Variants in SLC6A9 observed in about 807,000 individuals in gnomAD.
The protein encoded by SLC6A9 is sodium- and chloride-dependent glycine transporter 1.
In SLC6A9, 31 loss-of-function variants were observed where a neutral mutation model predicts 70.9. The observed-to-expected ratio is 0.44, with a 90% CI of 0.33 to 0.59. The LOEUF is 0.59. Ranked by LOEUF, SLC6A9 falls within the 20% of genes least tolerant of loss-of-function variation. The pLI is 0.04. For missense variants in SLC6A9, 631 were observed against 845.2 expected (o/e 0.75, Z 3.14); for synonymous variants, 310 against 341.3 (o/e 0.91, Z 1.01).
chr1:44,003,031 A>G (rs990126090), intron 5 of SLC6A9, 46 bp from the exon 6 acceptor site: 2 of 1,610,800 alleles, frequency 1.2e-6, no homozygotes, highest in Non-Finnish European at 1.7e-6. Flanking sequence ...GCCGCTGCCC[A>G]GCAACAAATT....
At chr1:44,008,168 T>A (rs1243935933) in intron 5 of SLC6A9, among the ~76,000 whole-genome samples, 185 bp downstream of exon 5, 2 of 152,174 alleles carry the variant, frequency 1.3e-5, no homozygotes, top group African/African-American at 4.8e-5. Flanking sequence ...GTGCCCGGCC[T>A]CCATCTTCCA....
In SLC6A9 at chr1:44,013,770, C is replaced by CA. The variant is rs564960420; in HGVS notation, c.31-2889dup. ...CAAGCAAACTGGAGGAAAGACTCTC[C>CA]AAAAAAAAATCCAGGCACTTTCTGG... On this transcript the variant is annotated intron_variant, in intron 2 of 13. Transcript: ENST00000372310. This position sits in a 1 kb window ranked among gnomAD's most constrained non-coding sequence, Gnocchi z 5.3. 7.9e-5 allele frequency among the ~76,000 whole-genome samples: 12 copies of CA among 151,324 alleles called. No individual in the cohort carries two copies. The highest frequency in any genetic ancestry group is 1.9e-4 in the East Asian group (1 of 5,154).
intron 5 of SLC6A9, among the ~76,000 whole-genome samples, chr1:44,007,894 T>C (rs2086377422): frequency 2.5e-4 from 1 of 3,988 alleles, no homozygotes; most frequent in African/African-American, 3.6e-3. Flanking sequence ...CTTTCTTTCT[T>C]TTTTTTTTTT....
chr1:44,025,059 C>T (rs1172756108), intron 1 of SLC6A9, among the ~76,000 whole-genome samples: 2 of 152,206 alleles, frequency 1.3e-5, no homozygotes, highest in African/African-American at 4.8e-5. Flanking sequence ...TACGAGTACT[C>T]TTATTTCATA....
At chr1:44,017,260 T>C in intron 2 of SLC6A9, 2 of 1,502,988 alleles carry the variant, frequency 1.3e-6, no homozygotes, top group South Asian at 2.5e-5. Context: ...CCCCTGGCCC[T>C]GCCCCTCCGG....
chr1:43,997,525 C>A lies in SLC6A9; in HGVS notation c.*20G>T, dbSNP rs1369530043. ...TGGGAGCACGGGGTGGGGGTGGGGC[C>A]ACTCCCCTGGCAGCTGTGCTCATAT... is the stretch of plus-strand genomic sequence containing the variant. On this transcript the variant is annotated 3_prime_UTR_variant, in exon 14 of 14. Coordinates refer to ENST00000372310, the MANE Select transcript of SLC6A9 (RefSeq NM_001024845.3). The surrounding 1 kb of genome is among the most constrained non-coding windows in gnomAD (Gnocchi z 4.4). The A allele has an allele frequency of 4.4e-6, 7 of 1,607,710 alleles. No homozygotes were observed. Among genetic ancestry groups the A allele is most frequent in the Non-Finnish European group, 5.1e-6 (6 of 1,175,882 alleles).
At chr1:44,030,190 A>G (rs951108703) in intron 1 of SLC6A9, among the ~76,000 whole-genome samples, 3 of 152,076 alleles carry the variant, frequency 2.0e-5, no homozygotes, top group African/African-American at 7.2e-5. Flanking sequence ...CACCGCCCGC[A>G]GCGTCCCGGT....
intron 1 of SLC6A9, among the ~76,000 whole-genome samples, chr1:44,028,753 C>CAAAAGA (rs1313830811): frequency 3.5e-5 from 5 of 142,164 alleles, no homozygotes; most frequent in Admixed American, 1.4e-4. Flanking sequence ...AAAACTCCGT[C>CAAAAGA]AAAAGAAAAA....
chr1:44,027,520 C>A (rs946815577), intron 1 of SLC6A9, among the ~76,000 whole-genome samples: 1 of 152,144 alleles, frequency 6.6e-6, no homozygotes, highest in Non-Finnish European at 1.5e-5. Flanking sequence ...GCTTAGCAGG[C>A]GTTTAAGGCT....
In SLC6A9 at chr1:44,010,022, C is replaced by A. The variant is rs200256204; in HGVS notation, c.262G>T (p.Gly88Cys). Residue 88 changes from glycine to cysteine, a missense_variant, in exon 4 of 14, where the codon GGC becomes TGC. Coordinates refer to ENST00000372310, the MANE Select transcript of SLC6A9 (RefSeq NM_001024845.3). ...AGGCACCCCTGGCTTGCAAACTGGC[C>A]GAAGGAGAGCTCCATGAAGAAGAGG... ...IPLFFMELSF[G>C]QFASQGCLGV... 7 of 1,613,964 alleles carry A rather than the reference C, an allele frequency of 4.3e-6. No individual in the cohort carries two copies. Among genetic ancestry groups the A allele is most frequent in the Non-Finnish European group, 5.1e-6 (6 of 1,179,994 alleles).
At position 44,021,596 on chromosome 1, in the gene SLC6A9, C is replaced by T. The variant is rs74818264; in HGVS notation, c.30+2652G>A. ...GGGGCCAGTGCCTGCTCCATGCATG[C>T]CAGGGCACAAATAGAGCAGCAGAAG... On this transcript the variant is annotated intron_variant, in intron 2 of 13. Coordinates refer to ENST00000372310, the MANE Select transcript of SLC6A9 (RefSeq NM_001024845.3). Among the ~76,000 whole-genome samples the T allele has an allele frequency of 3.5e-3, 534 of 152,324 alleles. 15 individuals carry two copies. The East Asian group carries it at 0.051, about 15-fold the overall frequency.
chr1:44,001,507 G>T lies in SLC6A9; in HGVS notation c.1083C>A (p.Asp361Glu). 1.2e-6 allele frequency: 2 copies of T among 1,614,238 alleles called. No homozygotes were observed. The highest frequency in any genetic ancestry group is 2.2e-5 in the East Asian group (1 of 44,890). The change falls in exon 9 of 14, where the codon GAC becomes GAA. Residue 361 changes from aspartate to glutamate, a missense_variant. Asp to Glu is a conservative substitution (Grantham distance 45). Transcript: ENST00000372310. Reference protein sequence around the residue: ...HLGVDVSRVADHGPGLAFVAY... With the variant: ...HLGVDVSRVAEHGPGLAFVAY... ...CCACGAAGGCCAGGCCAGGGCCGTG[G>T]TCTGCCACACGGGACACATCCACGC...
rs201972548 is a variant in SLC6A9 at position 43,997,295 on chromosome 1, A to G, written c.*250T>C. 143 of 527,658 alleles carry G rather than the reference A, an allele frequency of 2.7e-4. No homozygotes were observed. Among genetic ancestry groups the G allele is most frequent in the Non-Finnish European group, 3.2e-4 (97 of 298,552 alleles). 32.7% of individuals were successfully genotyped at this position (527,658 alleles called of 1,614,324 possible). A position where few individuals can be genotyped will look rare whatever the true frequency, so the allele number is the denominator to read the frequency against. The stretch of plus-strand genomic sequence containing the variant: ...GGGGACCTGGCCCGAGACCCCTCCA[A>G]AGTGCTTTGGACCTCCCAGCAACCC... On this transcript the variant is annotated 3_prime_UTR_variant, in exon 14 of 14. Coordinates refer to ENST00000372310, the MANE Select transcript of SLC6A9 (RefSeq NM_001024845.3). The surrounding 1 kb of genome is among the most constrained non-coding windows in gnomAD (Gnocchi z 4.4).
At chr1:44,010,469 G>T (rs58276105) in intron 3 of SLC6A9, 18 of 254,332 alleles carry the variant, frequency 7.1e-5, no homozygotes, top group Admixed American at 1.1e-4. Flanking sequence ...GGGGGGGGGG[G>T]GGTTAGGTCC....
In SLC6A9 at chr1:44,018,747, G is replaced by A. The variant is rs1009428526; in HGVS notation, c.30+5501C>T. On this transcript the variant is annotated intron_variant, in intron 2 of 13. Transcript: ENST00000372310. This position sits in a 1 kb window ranked among gnomAD's most constrained non-coding sequence, Gnocchi z 4.2. ...GAGGTCAGGAGTTCATGACCAGCCT[G>A]GGCAACATAGTGAGACCGTGTCTCT... Among the ~76,000 whole-genome samples the A allele has an allele frequency of 4.6e-5, 7 of 152,008 alleles. No individual in the cohort carries two copies. Among genetic ancestry groups the A allele is most frequent in the African/African-American group, 1.7e-4 (7 of 41,378 alleles).
chr1:44,010,185 C>T (rs1225752956), intron 3 of SLC6A9, 89 bp from the exon 4 acceptor site: 19 of 1,469,228 alleles, frequency 1.3e-5, no homozygotes, highest in Middle Eastern at 1.8e-4. Context: ...GCAAAACCTT[C>T]GCGATTGGGT....
Position 44,002,425 on chromosome 1 carries a change from A to C in SLC6A9, c.859-9T>G, listed in dbSNP as rs749000510. ...GCAGCATCACCCCACACCTGCAGGG[A>C]AGGACCGGTGGGTGAGGAGCTGTGG... On this transcript the variant is annotated splice_polypyrimidine_tract_variant and intron_variant, in intron 7 of 13. Coordinates refer to ENST00000372310, the MANE Select transcript of SLC6A9 (RefSeq NM_001024845.3). The surrounding 1 kb of genome is among the most constrained non-coding windows in gnomAD (Gnocchi z 5.5). 2.5e-6 allele frequency: 4 copies of C among 1,613,650 alleles called. No individual in the cohort carries two copies. The highest frequency in any genetic ancestry group is 3.4e-6 in the Non-Finnish European group (4 of 1,179,604).
At chr1:44,031,050 C>T (rs542115150) in intron 1 of SLC6A9, among the ~76,000 whole-genome samples, 1 of 151,870 alleles carries the variant, frequency 6.6e-6, no homozygotes, top group South Asian at 2.1e-4. Flanking sequence ...GCTTCAGCTC[C>T]TTGGTGACAG....
intron 5 of SLC6A9, among the ~76,000 whole-genome samples, chr1:44,004,289 C>T (rs570672498): frequency 1.3e-5 from 2 of 151,972 alleles, no homozygotes. Context: ...AGCCACCACG[C>T]CTGGCCTGAA....
Sources: allele counts gnomAD v4.1 joint callset (sites outside exome capture counted in the v4.1 genomes callset), GRCh38; gene constraint gnomAD v4.1.1; non-coding constraint Gnocchi (gnomAD v3.1); transcripts MANE v1.5; gene names NCBI Gene and HGNC (gene_info 2026-07-23, HGNC 2026-07-21).